FBLN7: variants seen among roughly 807,000 people sequenced by gnomAD.
FBLN7 encodes the protein fibulin 7.
FBLN7 carries 31 observed loss-of-function variants against 44.0 expected under a neutral mutation model. The ratio of observed to expected loss-of-function variants is 0.70; its 90% CI spans 0.53 to 0.95. FBLN7 has a LOEUF of 0.95. FBLN7 is among the 40% of genes least tolerant of loss of function. The pLI, the probability that FBLN7 is intolerant of heterozygous loss-of-function variation, is 0.00. For missense variants in FBLN7, 573 were observed against 618.5 expected, an observed-to-expected ratio of 0.93 and a Z score of 0.78; for synonymous variants, 262 against 253.4, an observed-to-expected ratio of 1.03 and a Z score of -0.32.
intron 1 of FBLN7, among the ~76,000 whole-genome samples, chr2:112,141,533 G>A (rs1466639632): frequency 6.6e-6 from 1 of 152,182 alleles, no homozygotes; most frequent in African/African-American, 2.4e-5. Flanking sequence ...GAGATACTCA[G>A]TGACCAGGCA....
intron 3 of FBLN7, among the ~76,000 whole-genome samples, chr2:112,167,115 T>A (rs2104577803): frequency 6.6e-6 from 1 of 152,370 alleles, no homozygotes; most frequent in South Asian, 2.1e-4. Flanking sequence ...AAAGCACATC[T>A]TACTTATGTG....
chr2:112,142,345 C>T (rs187709325), intron 1 of FBLN7, among the ~76,000 whole-genome samples: 20 of 152,244 alleles, frequency 1.3e-4, no homozygotes, highest in Admixed American at 3.3e-4. Flanking sequence ...GGCGTAGTAC[C>T]GATCATCATT....
At position 112,187,828 on chromosome 2, in the gene FBLN7, C is replaced by T; in HGVS notation, c.*322C>T. The T allele has an allele frequency of 2.1e-6, 1 of 468,486 alleles. No individual in the cohort carries two copies. Among genetic ancestry groups the T allele is most frequent in the Non-Finnish European group, 3.7e-6 (1 of 266,970 alleles). The allele number at this position is 468,486 out of a possible 1,614,324, so 29.0% of individuals were successfully genotyped here. A position where few individuals can be genotyped will look rare whatever the true frequency, so the allele number is the denominator to read the frequency against. On this transcript the variant is annotated 3_prime_UTR_variant, in exon 8 of 8. Coordinates refer to ENST00000331203, the MANE Select transcript of FBLN7 (RefSeq NM_153214.3). The surrounding 1 kb of genome is among the most constrained non-coding windows in gnomAD (Gnocchi z 5.1). ...GTGCAAATGGCCTTGTGAGTTTGAA[C>T]TAGCTGGGGAGAGAAAAGGTGGCAA...
intron 3 of FBLN7, among the ~76,000 whole-genome samples, chr2:112,171,706 A>G (rs888435124): frequency 6.6e-5 from 10 of 152,220 alleles, no homozygotes; most frequent in Non-Finnish European, 4.4e-5. Flanking sequence ...GTGTATAGAT[A>G]TTAACGTGAG....
chr2:112,233,759 C>A, the FBLN7 span, among the ~76,000 whole-genome samples: 2 of 152,022 alleles, frequency 1.3e-5, no homozygotes, highest in Non-Finnish European at 2.9e-5. Context: ...GTCCCAGCTA[C>A]TTGGGAGGCT....
At chr2:112,212,234 A>ACTCTTTTATAAGGGCACTTT in the FBLN7 span, 4 of 152,218 alleles carry the variant, frequency 2.6e-5, no homozygotes, top group Non-Finnish European at 5.9e-5. Flanking sequence ...AATCCCATTC[A>ACTCTTTTATAAGGGCACTTT]TGAGGGGCTC....
the FBLN7 span, among the ~76,000 whole-genome samples, chr2:112,204,666 A>G: frequency 1.3e-5 from 2 of 152,174 alleles, no homozygotes; most frequent in African/African-American, 4.8e-5. Flanking sequence ...AAAGAGATCA[A>G]AGAAAAAAAG....
intron 1 of FBLN7, among the ~76,000 whole-genome samples, chr2:112,150,038 G>A (rs1166320220): frequency 2.0e-5 from 3 of 152,144 alleles, no homozygotes; most frequent in African/African-American, 4.8e-5. Context: ...GGATATTGGT[G>A]GTGACTGGGA....
chr2:112,141,624 A>G (rs752064299), intron 1 of FBLN7, among the ~76,000 whole-genome samples: 14 of 152,242 alleles, frequency 9.2e-5, no homozygotes, highest in Non-Finnish European at 1.5e-4. Flanking sequence ...GTTACAGAAC[A>G]AAGTAAAACC....
chr2:112,209,024 C>T, the FBLN7 span, among the ~76,000 whole-genome samples: 33 of 152,166 alleles, frequency 2.2e-4, no homozygotes, highest in African/African-American at 6.8e-4. Flanking sequence ...TATTAGACAA[C>T]TTCCATTGTA....
the FBLN7 span, among the ~76,000 whole-genome samples, chr2:112,209,375 CA>C: frequency 6.6e-6 from 1 of 152,170 alleles, no homozygotes; most frequent in African/African-American, 2.4e-5. Context: ...CCAGCTCAAT[CA>C]TTTGCTGAAT....
chr2:112,236,561 C>T, the FBLN7 span: 1 of 1,612,572 alleles, frequency 6.2e-7, no homozygotes, highest in Non-Finnish European at 8.5e-7. Context: ...TATTCCAATA[C>T]CTCTTCCTGT....
chr2:112,191,695 A>T (rs1207347801), downstream of FBLN7, among the ~76,000 whole-genome samples: 2 of 152,236 alleles, frequency 1.3e-5, no homozygotes, highest in Admixed American at 6.5e-5. Context: ...TTAGGGACAG[A>T]CAGTCAACTT....
chr2:112,180,078 G>T (rs566410928), intron 4 of FBLN7, among the ~76,000 whole-genome samples: 1 of 152,290 alleles, frequency 6.6e-6, no homozygotes, highest in Admixed American at 6.5e-5. Context: ...GAAAATATTT[G>T]CAAACTATGC....
At chr2:112,175,986 C>A in intron 4 of FBLN7, 147 bp downstream of exon 4, 1 of 1,025,290 alleles carries the variant, frequency 9.8e-7, no homozygotes, top group African/African-American at 1.6e-5. Context: ...ATCCACCGAT[C>A]CCTCTGGTTT....
At position 112,159,753 on chromosome 2, in the gene FBLN7, C is replaced by T. The variant is rs1681627713; in HGVS notation, c.153C>T (p.Phe51=). 2 of 1,605,256 alleles carry T rather than the reference C, an allele frequency of 1.2e-6. No homozygotes were observed. The highest frequency in any genetic ancestry group is 1.7e-5 in the Admixed American group (1 of 58,826). ...QQLLKGQETR[F]AEGIRHMKSR... is the part of the protein sequence containing the mutation. ...TGCTGAAGGGCCAGGAGACACGCTT[C>T]GCCGAGGGCATCCGCCACATGAAGA... Residue 51 remains phenylalanine (F), a synonymous_variant, in exon 2 of 8, where the codon TTC becomes TTT. Coordinates refer to ENST00000331203, the MANE Select transcript of FBLN7 (RefSeq NM_153214.3).
chr2:112,220,391 T>C, the FBLN7 span, among the ~76,000 whole-genome samples: 2 of 152,218 alleles, frequency 1.3e-5, no homozygotes, highest in Non-Finnish European at 2.9e-5. Flanking sequence ...AAGGATGTAA[T>C]TTTCCTTTGC....
chr2:112,159,898 G>A (rs1031542717), intron 2 of FBLN7, 63 bp downstream of exon 2: 5 of 1,359,992 alleles, frequency 3.7e-6, no homozygotes, highest in Non-Finnish European at 3.8e-6. Flanking sequence ...TCCCCGAGAC[G>A]CTCCCAGCTG....
chr2:112,229,949 A>C, the FBLN7 span, among the ~76,000 whole-genome samples: 1 of 151,904 alleles, frequency 6.6e-6, no homozygotes, highest in Non-Finnish European at 1.5e-5. Context: ...CCGCAAAAAA[A>C]AAAAACAAAA....
Sources: gnomAD v4.1 joint callset for allele counts (sites outside exome capture counted in the v4.1 genomes callset) on GRCh38, gnomAD v4.1.1 for gene constraint, Gnocchi (gnomAD v3.1) non-coding constraint, MANE v1.5 for transcripts, NCBI Gene and HGNC (gene_info 2026-07-23, HGNC 2026-07-21) for gene names.